PLXDC2: variants seen among roughly 807,000 people sequenced by gnomAD.
PLXDC2 encodes the protein plexin domain containing 2, also known as plexin domain-containing protein 2.
Under a neutral mutation model 68.9 loss-of-function variants are expected in PLXDC2, and 40 were observed. That is an observed-to-expected ratio of 0.58 (90% CI 0.45 to 0.76). The LOEUF is 0.76. Among genes scored for constraint, PLXDC2 ranks in the 30% least tolerant of loss-of-function variants. The pLI, the probability that PLXDC2 is intolerant of heterozygous loss-of-function variation, is 0.00. For synonymous variants in PLXDC2, 243 were observed against 234.2 expected (o/e 1.04, Z -0.34); for missense variants, 644 against 661.9 (o/e 0.97, Z 0.30).
At chr10:20,120,648 A>T (rs1159892940) in intron 4 of PLXDC2, among the ~76,000 whole-genome samples, 2 of 152,122 alleles carry the variant, frequency 1.3e-5, no homozygotes, top group Non-Finnish European at 2.9e-5. Flanking sequence ...TATTTTAGTT[A>T]TCTGACTCGG....
chr10:20,275,854 A>G (rs901836074), intron 13 of PLXDC2, among the ~76,000 whole-genome samples: 1 of 152,166 alleles, frequency 6.6e-6, no homozygotes, highest in African/African-American at 2.4e-5. Context: ...CAGAGGTTGC[A>G]GTGAGCTGAG....
intron 9 of PLXDC2, among the ~76,000 whole-genome samples, chr10:20,203,387 C>A (rs1834947000): frequency 6.6e-6 from 1 of 151,502 alleles, no homozygotes; most frequent in Non-Finnish European, 1.5e-5. Flanking sequence ...GCCTCCTACA[C>A]TCAACCTCCT....
At chr10:19,970,658 T>C (rs913683755) in intron 1 of PLXDC2, among the ~76,000 whole-genome samples, 23 of 152,196 alleles carry the variant, frequency 1.5e-4, no homozygotes, top group Admixed American at 2.6e-4. Flanking sequence ...TGTGTAAACA[T>C]AAAGACATAT....
chr10:20,063,573 A>G (rs945423224), intron 3 of PLXDC2, among the ~76,000 whole-genome samples: 4 of 148,374 alleles, frequency 2.7e-5, no homozygotes, highest in East Asian at 2.0e-4. Context: ...ATTTAGGATT[A>G]TAATTCCTGT....
chr10:20,277,920 G>A (rs1351456757), intron 13 of PLXDC2, among the ~76,000 whole-genome samples: 2 of 152,090 alleles, frequency 1.3e-5, no homozygotes, highest in Non-Finnish European at 2.9e-5. Flanking sequence ...TTAGATCCCA[G>A]AAGTAAGTGA....
At chr10:20,204,192 G>A (rs541214632) in intron 9 of PLXDC2, among the ~76,000 whole-genome samples, 28 of 152,262 alleles carry the variant, frequency 1.8e-4, no homozygotes, top group African/African-American at 6.5e-4. Flanking sequence ...TATGGGAAAT[G>A]AGATAGGATT....
intron 6 of PLXDC2, among the ~76,000 whole-genome samples, chr10:20,155,146 G>A (rs892072323): frequency 2.0e-5 from 3 of 152,150 alleles, no homozygotes; most frequent in African/African-American, 7.2e-5. Context: ...CCAATTAGTT[G>A]TAAGTTTCAA....
At chr10:20,181,810 G>A (rs1262667196) in intron 9 of PLXDC2, among the ~76,000 whole-genome samples, 1 of 151,996 alleles carries the variant, frequency 6.6e-6, no homozygotes, top group Non-Finnish European at 1.5e-5. Context: ...AAAGCATTTA[G>A]ACTTTATAAC....
intron 1 of PLXDC2, among the ~76,000 whole-genome samples, chr10:19,874,965 C>A (rs1837606506): frequency 6.6e-6 from 1 of 152,152 alleles, no homozygotes; most frequent in Non-Finnish European, 1.5e-5. Flanking sequence ...GGAGAAGCAA[C>A]TGTCAGAATT....
intron 13 of PLXDC2, among the ~76,000 whole-genome samples, chr10:20,247,424 C>T (rs1346596855): frequency 6.6e-6 from 1 of 151,872 alleles, no homozygotes; most frequent in Non-Finnish European, 1.5e-5. Context: ...CTGCAGGGAA[C>T]AGTGACTGTG....
intron 5 of PLXDC2, among the ~76,000 whole-genome samples, chr10:20,144,680 T>G (rs1834049830): frequency 6.6e-6 from 1 of 152,204 alleles, no homozygotes; most frequent in Non-Finnish European, 1.5e-5. Context: ...AGCCAGAAAC[T>G]TATCTGAAAC....
At chr10:20,199,143 A>C (rs1308846738) in intron 9 of PLXDC2, among the ~76,000 whole-genome samples, 2 of 152,080 alleles carry the variant, frequency 1.3e-5, no homozygotes, top group African/African-American at 2.4e-5. Flanking sequence ...ATTTAAAGAA[A>C]TCTATTAATG....
At chr10:20,060,262 A>C (rs1836077184) in intron 3 of PLXDC2, among the ~76,000 whole-genome samples, 1 of 146,988 alleles carries the variant, frequency 6.8e-6, no homozygotes, top group Non-Finnish European at 1.5e-5. Flanking sequence ...TCCTGGCCTC[A>C]AGTGATCCTC....
chr10:20,096,022 T>G (rs1321801577), intron 4 of PLXDC2, among the ~76,000 whole-genome samples: 1 of 152,212 alleles, frequency 6.6e-6, no homozygotes, highest in African/African-American at 2.4e-5. Flanking sequence ...TTTCCCAAAT[T>G]AATTTGGCCA....
At position 20,285,322 on chromosome 10, in the gene PLXDC2, G is replaced by A. The variant is rs1405902903; in HGVS notation, c.*5503G>A. 6.6e-6 allele frequency: 1 copy of A among 151,956 alleles called. No homozygotes were observed. The highest frequency in any genetic ancestry group is 2.4e-5 in the African/African-American group (1 of 41,368). 9.4% of individuals were successfully genotyped at this position (151,956 alleles called of 1,614,324 possible). ...TGTTCAGTTCACTGAAATATTTATT[G>A]AACACCTACTGGAACCAAGTGACTG... On this transcript the variant is annotated 3_prime_UTR_variant, in exon 14 of 14. Transcript: ENST00000377252.
chr10:20,217,093 A>G (rs905265786), intron 10 of PLXDC2, among the ~76,000 whole-genome samples: 6 of 152,224 alleles, frequency 3.9e-5, no homozygotes, highest in Non-Finnish European at 7.3e-5. Context: ...TTCTTCTAGT[A>G]TAAATTTTCC....
chr10:19,834,984 G>A (rs185034451), intron 1 of PLXDC2, among the ~76,000 whole-genome samples: 22 of 152,256 alleles, frequency 1.4e-4, no homozygotes, highest in Admixed American at 1.2e-3. Context: ...AGGGAGGTAT[G>A]TCTGGGTCTG....
At chr10:19,919,348 T>A (rs1331183821) in intron 1 of PLXDC2, among the ~76,000 whole-genome samples, 131 of 152,372 alleles carry the variant, frequency 8.6e-4, no homozygotes, top group Middle Eastern at 3.4e-3. Flanking sequence ...AAAAAGGACA[T>A]TATCTTGCAT....
intron 1 of PLXDC2, among the ~76,000 whole-genome samples, chr10:19,872,977 A>G (rs1247315516): frequency 3.9e-5 from 6 of 152,300 alleles, no homozygotes; most frequent in Admixed American, 2.0e-4. Flanking sequence ...TCAAATGATT[A>G]CAAAACTCCT....
Sources: allele counts gnomAD v4.1 joint callset (sites outside exome capture counted in the v4.1 genomes callset), GRCh38; gene constraint gnomAD v4.1.1; transcripts MANE v1.5; gene names NCBI Gene and HGNC (gene_info 2026-07-23, HGNC 2026-07-21).